Variants in SPTBN2 observed in about 807,000 individuals in gnomAD.
The protein encoded by SPTBN2 is spectrin beta, non-erythrocytic 2, also known as spectrin beta chain, non-erythrocytic 2.
In SPTBN2, 107 loss-of-function variants were observed where a neutral mutation model predicts 284.2. That is an observed-to-expected ratio of 0.38 (90% CI 0.32 to 0.44). The LOEUF is 0.44. Among genes scored for constraint, SPTBN2 ranks in the 20% least tolerant of loss-of-function variants. The pLI is 1.00. For missense variants in SPTBN2, 2,569 were observed against 3,287.1 expected, an observed-to-expected ratio of 0.78 and a Z score of 5.34; for synonymous variants, 1,289 against 1,354.8, an observed-to-expected ratio of 0.95 and a Z score of 1.07.
chr11:66,700,967 C>G lies in SPTBN2; in HGVS notation c.3132G>C (p.Gln1044His). ...VAINARLREV[Q>H]TGWEDLRATM... ...TGGCCCTGAGGTCCTCCCAGCCGGT[C>G]TGCACCTCTCTCAGCCGGGCGTTGA... Residue 1044 changes from glutamine to histidine, a missense_variant, in exon 17 of 38, where the codon CAG becomes CAC. Gln to His is a conservative substitution (Grantham distance 24). This residue lies in a region of SPTBN2 where 1,012 missense variants were observed against 1,248.9 expected (regional missense o/e 0.81). Coordinates refer to ENST00000533211, the MANE Select transcript of SPTBN2 (RefSeq NM_006946.4). The surrounding 1 kb of genome is among the most constrained non-coding windows in gnomAD (Gnocchi z 6.6). 1 of 1,606,216 alleles carries G rather than the reference C, an allele frequency of 6.2e-7. No individual in the cohort carries two copies. The highest frequency in any genetic ancestry group is 8.5e-7 in the Non-Finnish European group (1 of 1,179,856).
intron 1 of SPTBN2, chr11:66,728,199 C>T: frequency 6.9e-6 from 1 of 144,732 alleles, no homozygotes; most frequent in South Asian, 2.1e-4. Context: ...GGGGGCGCGG[C>T]GGGCGGGGGC....
Position 66,692,988 on chromosome 11 carries a change from T to G in SPTBN2, c.4967A>C (p.Asp1656Ala), listed in dbSNP as rs1243533500. Residue 1656 changes from aspartate to alanine, a missense_variant, in exon 25 of 38, where the codon GAC (aspartate) becomes GCC (alanine). Transcript: ENST00000533211. The stretch of plus-strand genomic sequence containing the variant: ...CACCCACCTCTCTGGGTGCTCGTGG[T>G]CAATCATGTCCTGGCTGCTGGCCGC... ...QLAASSQDMI[D>A]HEHPESTRIS... is the part of the protein sequence containing the mutation. 2 of 1,607,554 alleles carry G rather than the reference T, an allele frequency of 1.2e-6. No homozygotes were observed. The highest frequency in any genetic ancestry group is 1.7e-6 in the Non-Finnish European group (2 of 1,179,984).
At chr11:66,698,584 C>A in intron 20 of SPTBN2, 55 bp downstream of exon 20, 1 of 1,611,738 alleles carries the variant, frequency 6.2e-7, no homozygotes, top group Non-Finnish European at 8.5e-7. Context: ...GAGCCAGGCC[C>A]TCCCCCGTAC....
rs9666734 is a variant in SPTBN2, at chr11:66,716,134, A to G, written c.158-153T>C. On this transcript the variant is annotated intron_variant, in intron 3 of 37. Coordinates refer to ENST00000533211, the MANE Select transcript of SPTBN2 (RefSeq NM_006946.4). ...AGGGAAGGAAGATGACCGGGAGGAA[A>G]GCCCGTAACTTGCAATGAGCTCATA... Among the ~76,000 whole-genome samples the G allele has an allele frequency of 0.011, 1,625 of 152,250 alleles. 39 individuals carry two copies. The highest frequency in any genetic ancestry group is 0.037 in the African/African-American group (1,521 of 41,524).
Position 66,693,381 on chromosome 11 carries a change from A to C in SPTBN2, c.4659T>G (p.Ala1553=), listed in dbSNP as rs760850023. The C allele has an allele frequency of 6.2e-7, 1 of 1,602,870 alleles. No individual in the cohort carries two copies. Among genetic ancestry groups the C allele is most frequent in the Non-Finnish European group, 8.5e-7 (1 of 1,179,932 alleles). ...CTGGACCTGCTGCTGCTGCACCTAG[A>C]GCACGCTGCCGCTCCCTCAGGTCCG... ...RIADLRERQR[A]LGAAAAGPEL... The change falls in exon 24 of 38, where the codon GCT becomes GCG. Residue 1553 remains alanine (A), a synonymous_variant. Transcript: ENST00000533211. The surrounding 1 kb of genome is among the most constrained non-coding windows in gnomAD (Gnocchi z 5.7).
intron 21 of SPTBN2, 89 bp from the exon 22 acceptor site, chr11:66,694,452 C>CTG: frequency 7.4e-7 from 1 of 1,349,470 alleles, no homozygotes; most frequent in Non-Finnish European, 1.0e-6. Flanking sequence ...ATCCAGCCCA[C>CTG]TGTGGCTGCT....
chr11:66,716,915 G>T (rs570265966), intron 3 of SPTBN2, among the ~76,000 whole-genome samples: 1 of 152,328 alleles, frequency 6.6e-6, no homozygotes, highest in East Asian at 1.9e-4. Context: ...ATTAGGACTT[G>T]ATGGTATAGA....
At chr11:66,723,160 T>C (rs1405032745) in intron 1 of SPTBN2, among the ~76,000 whole-genome samples, 2 of 151,568 alleles carry the variant, frequency 1.3e-5, no homozygotes, top group Non-Finnish European at 2.9e-5. Context: ...AAACACACTC[T>C]GTCCTCAAAA....
rs1462220071 is a variant in SPTBN2 at position 66,694,175 on chromosome 11, C to T, written c.4467G>A (p.Glu1489=). The change falls in exon 22 of 38, where the codon GAG becomes GAA. Residue 1489 remains glutamate (E), a synonymous_variant. Coordinates refer to ENST00000533211, the MANE Select transcript of SPTBN2 (RefSeq NM_006946.4). The stretch of plus-strand genomic sequence containing the variant: ...CCACATCGCGGTGGAACTGGTGCTG[C>T]TCGCGAGAAGCCTGCAGGCGCCGGC... The part of the protein sequence containing the change: ...ERCRRLQASR[E]QHQFHRDVED... 1 of 1,611,552 alleles carries T rather than the reference C, an allele frequency of 6.2e-7. No individual in the cohort carries two copies. The highest frequency in any genetic ancestry group is 1.7e-5 in the Admixed American group (1 of 60,024).
intron 3 of SPTBN2, among the ~76,000 whole-genome samples, chr11:66,717,549 T>A (rs1330673276): frequency 6.6e-6 from 1 of 152,154 alleles, no homozygotes; most frequent in African/African-American, 2.4e-5. Context: ...CCTAATAACA[T>A]GGGACGGCCC....
rs116078747 is a variant in SPTBN2, at chr11:66,707,825, C to A, written c.1351-7G>T. 3,242 of 1,607,658 alleles carry A rather than the reference C, an allele frequency of 2.0e-3. 72 individuals are homozygous for A. In the African/African-American group the frequency reaches 0.037, roughly 18 times the overall value. The stretch of plus-strand genomic sequence containing the variant: ...GCTCCAGCCCAAAGTTGTCCTGTGT[C>A]GGGGGCAGGGAGAGGAGGTGTGGGG... On this transcript the variant is annotated splice_region_variant and splice_polypyrimidine_tract_variant and intron_variant, in intron 12 of 37. Transcript: ENST00000533211. This position sits in a 1 kb window ranked among gnomAD's most constrained non-coding sequence, Gnocchi z 4.9.
rs1440240893 is a variant in SPTBN2 at position 66,707,063 on chromosome 11, C to T, written c.1653+453G>A. Among the ~76,000 whole-genome samples the T allele has an allele frequency of 1.3e-5, 2 of 152,276 alleles. No individual in the cohort carries two copies. Among genetic ancestry groups the T allele is most frequent in the East Asian group, 3.8e-4 (2 of 5,200 alleles). ...CCATGGCCCCCACTCCTCATGCTCACAGCCCACCGGCCTTCCTTCTGATCC... is the reference window on the plus strand; with the variant it reads ...CCATGGCCCCCACTCCTCATGCTCATAGCCCACCGGCCTTCCTTCTGATCC... On this transcript the variant is annotated intron_variant, in intron 13 of 37. Transcript: ENST00000533211. The surrounding 1 kb of genome is among the most constrained non-coding windows in gnomAD (Gnocchi z 4.9).
At position 66,715,627 on chromosome 11, in the gene SPTBN2, G is replaced by A. The variant is rs1942106980; in HGVS notation, c.309+203C>T. Among the ~76,000 whole-genome samples the A allele has an allele frequency of 1.3e-5, 2 of 152,216 alleles. No individual in the cohort carries two copies. The highest frequency in any genetic ancestry group is 4.8e-5 in the African/African-American group (2 of 41,454). On this transcript the variant is annotated intron_variant, in intron 4 of 37. Coordinates refer to ENST00000533211, the MANE Select transcript of SPTBN2 (RefSeq NM_006946.4). The surrounding 1 kb of genome is among the most constrained non-coding windows in gnomAD (Gnocchi z 5.3). ...AGGTGGGAAAAGAAATGTTTTCAAT[G>A]GGGCCACTGTTCCTGTCTCCATGAA...
chr11:66,698,792 CA>C lies in SPTBN2; in HGVS notation c.3868-8del. On this transcript the variant is annotated splice_polypyrimidine_tract_variant and splice_region_variant and intron_variant, in intron 19 of 37. Coordinates refer to ENST00000533211, the MANE Select transcript of SPTBN2 (RefSeq NM_006946.4). Reference sequence around the variant, plus strand: ...CGTCGATCCAGAGCTTCAGCTGGACCAAACATAAAACAGGGACATTTCCAAG... The same window carrying C: ...CGTCGATCCAGAGCTTCAGCTGGACCAACATAAAACAGGGACATTTCCAAG... The C allele has an allele frequency of 6.2e-7, 1 of 1,613,222 alleles. No individual in the cohort carries two copies. The highest frequency in any genetic ancestry group is 8.5e-7 in the Non-Finnish European group (1 of 1,180,006).
intron 36 of SPTBN2, 52 bp from the exon 37 acceptor site, chr11:66,686,492 G>A (rs1340349012): frequency 1.9e-6 from 3 of 1,603,736 alleles, no homozygotes; most frequent in South Asian, 2.2e-5. Context: ...GATCTGCCAG[G>A]TAGCTGCTGG....
chr11:66,740,527 TGGA>T (rs2135614626), intron 1 of SPTBN2, among the ~76,000 whole-genome samples: 1 of 152,190 alleles, frequency 6.6e-6, no homozygotes, highest in Admixed American at 6.5e-5. Context: ...GTGCTCCAGG[TGGA>T]GAAGGCCTCA....
chr11:66,735,352 A>G (rs1018709725), intron 1 of SPTBN2, among the ~76,000 whole-genome samples: 1 of 152,038 alleles, frequency 6.6e-6, no homozygotes, highest in African/African-American at 2.4e-5. Context: ...AAGAAAAAAA[A>G]AAATTAAGGA....
chr11:66,692,436 T>C, intron 26 of SPTBN2, 100 bp downstream of exon 26: 5 of 1,437,260 alleles, frequency 3.5e-6, no homozygotes, highest in Non-Finnish European at 4.8e-6. Context: ...TCTTGCCCCT[T>C]AGCCCCTCAG....
chr11:66,686,107 G>A lies in SPTBN2; in HGVS notation c.6940-3C>T, dbSNP rs375323820. 20 of 1,611,608 alleles carry A rather than the reference G, an allele frequency of 1.2e-5. No individual in the cohort carries two copies. Among genetic ancestry groups the A allele is most frequent in the Non-Finnish European group, 1.7e-5 (20 of 1,178,916 alleles). The stretch of plus-strand genomic sequence containing the variant: ...CGTAGCCACGAGCTCATCTCTGCCT[G>A]TGGATGGAAAGACCCTCAATCAGCT... On this transcript the variant is annotated splice_polypyrimidine_tract_variant and splice_region_variant and intron_variant, in intron 37 of 37. Coordinates refer to ENST00000533211, the MANE Select transcript of SPTBN2 (RefSeq NM_006946.4).
Sources: gnomAD v4.1 joint callset for allele counts (sites outside exome capture counted in the v4.1 genomes callset) on GRCh38, gnomAD v4.1.1 for gene constraint, gnomAD v4.1.1 regional missense constraint, Gnocchi (gnomAD v3.1) non-coding constraint, MANE v1.5 for transcripts, NCBI Gene and HGNC (gene_info 2026-07-23, HGNC 2026-07-21) for gene names.